The following ACACB variants were observed in gnomAD, a reference collection of about 807,000 sequenced individuals.
ACACB encodes acetyl-CoA carboxylase 2.
ACACB carries 209 observed loss-of-function variants against 278.8 expected under a neutral mutation model. That is an observed-to-expected ratio of 0.75 (90% CI 0.67 to 0.84). The LOEUF is 0.84. Ranked by LOEUF, ACACB falls within the 40% of genes least tolerant of loss-of-function variation. The pLI, the probability that ACACB is intolerant of heterozygous loss-of-function variation, is 0.00. For synonymous variants in ACACB, 1,174 were observed against 1,285.6 expected (o/e 0.91, Z 1.86); for missense variants, 2,850 against 3,269.0 (o/e 0.87, Z 3.13).
rs771596563 is a variant in ACACB at position 109,246,244 on chromosome 12, C to A, written c.5367C>A (p.Ile1789=). The A allele has an allele frequency of 4.3e-6, 7 of 1,613,590 alleles. No individual in the cohort carries two copies. The highest frequency in any genetic ancestry group is 5.9e-6 in the Non-Finnish European group (7 of 1,179,952). ...TQEYPEGRDV[I]VIGNDITFRI... is the part of the protein sequence containing the mutation. The stretch of plus-strand genomic sequence containing the variant: ...AGTACCCGGAAGGACGGGATGTGAT[C>A]GTCATCGGCAATGACATCACCTTTC... The change falls in exon 39 of 53, where the codon ATC becomes ATA. Residue 1789 remains isoleucine, a synonymous_variant. Coordinates refer to ENST00000338432, the MANE Select transcript of ACACB (RefSeq NM_001093.4).
chr12:109,172,116 C>T (rs897691215), intron 5 of ACACB, among the ~76,000 whole-genome samples, 159 bp from the exon 6 acceptor site: 1 of 152,098 alleles, frequency 6.6e-6, no homozygotes, highest in South Asian at 2.1e-4. Flanking sequence ...TAGACAGGAT[C>T]TCGCCATGTT....
At chr12:109,203,023 T>A (rs780023310) in intron 19 of ACACB, among the ~76,000 whole-genome samples, 64 of 152,160 alleles carry the variant, frequency 4.2e-4, no homozygotes, top group Non-Finnish European at 7.6e-4. Flanking sequence ...GAGTCCCTCC[T>A]CCCTCCAGCC....
intron 1 of ACACB, among the ~76,000 whole-genome samples, chr12:109,117,098 C>T (rs1250793842): frequency 7.4e-6 from 1 of 134,450 alleles, no homozygotes; most frequent in Non-Finnish European, 1.5e-5. Flanking sequence ...GGCACGGTGG[C>T]TCATGCCACC....
At chr12:109,131,905 C>G (rs1391153847) in intron 1 of ACACB, among the ~76,000 whole-genome samples, 3 of 152,138 alleles carry the variant, frequency 2.0e-5, no homozygotes, top group Non-Finnish European at 4.4e-5. Flanking sequence ...ACGGCCCCCC[C>G]ACGCCACCGT....
rs781345366 is a variant in ACACB at position 109,235,385 on chromosome 12, A to G, written c.4404+16A>G. 18 of 1,610,260 alleles carry G rather than the reference A, an allele frequency of 1.1e-5. No homozygotes were observed. The African/African-American group carries it at 1.2e-4, about 11-fold the overall frequency. On this transcript the variant is annotated intron_variant, in intron 32 of 52. Transcript: ENST00000338432. ...TGCCCAAGAGGTTAGTTCACAGTTCATCTCTATGAGTCTTTCCCATTCTCC... is the reference window on the plus strand; with the variant it reads ...TGCCCAAGAGGTTAGTTCACAGTTCGTCTCTATGAGTCTTTCCCATTCTCC...
intron 20 of ACACB, 101 bp downstream of exon 20, chr12:109,206,957 G>T: frequency 7.4e-7 from 1 of 1,356,286 alleles, no homozygotes; most frequent in Non-Finnish European, 1.0e-6. Flanking sequence ...ATGAGAAAAT[G>T]GTCGGTCCTC....
At chr12:109,197,180 G>A (rs1460642811) in intron 17 of ACACB, 27 bp downstream of exon 17, 1 of 1,592,578 alleles carries the variant, frequency 6.3e-7, no homozygotes, top group Admixed American at 1.8e-5. Context: ...GTCCCACTGT[G>A]GGCTGGGCAT....
At chr12:109,129,560 GC>G (rs1164222174) in intron 1 of ACACB, among the ~76,000 whole-genome samples, 2 of 152,282 alleles carry the variant, frequency 1.3e-5, no homozygotes, top group East Asian at 3.9e-4. Flanking sequence ...GTCTCCCTGG[GC>G]CCCCAAACAC....
At chr12:109,222,384 G>T in intron 24 of ACACB, 123 bp from the exon 25 acceptor site, 1 of 795,324 alleles carries the variant, frequency 1.3e-6, no homozygotes, top group Non-Finnish European at 2.1e-6. Context: ...GCTGTGCTGG[G>T]CCTGTTTGGA....
chr12:109,265,149 T>G lies in ACACB; in HGVS notation c.6982T>G (p.Trp2328Gly). ...EWKTARTFLY[W>G]RLRRLLLEDQ... ...GAAGACCGCACGCACCTTCCTGTATTGGCGTCTGCGCCGCCTCCTCCTGGA... is the reference window on the plus strand; with the variant it reads ...GAAGACCGCACGCACCTTCCTGTATGGGCGTCTGCGCCGCCTCCTCCTGGA... Residue 2328 changes from tryptophan (W) to glycine (G), a missense_variant, in exon 51 of 53, where the codon TGG (tryptophan) becomes GGG (glycine). Transcript: ENST00000338432. 6 of 1,613,650 alleles carry G rather than the reference T, an allele frequency of 3.7e-6. No homozygotes were observed. The highest frequency in any genetic ancestry group is 5.1e-6 in the Non-Finnish European group (6 of 1,179,842).
intron 47 of ACACB, among the ~76,000 whole-genome samples, chr12:109,259,366 A>C (rs1244468363): frequency 6.6e-6 from 1 of 152,136 alleles, no homozygotes; most frequent in Non-Finnish European, 1.5e-5. Context: ...TGAGGCCAGG[A>C]GTTTGAGACC....
chr12:109,228,984 A>T (rs2046395795), intron 28 of ACACB, among the ~76,000 whole-genome samples: 1 of 152,056 alleles, frequency 6.6e-6, no homozygotes, highest in South Asian at 2.1e-4. Flanking sequence ...TTTGAGATGG[A>T]GTCTCGCTCT....
Position 109,139,534 on chromosome 12 carries a change from G to T in ACACB, c.129G>T (p.Pro43=). The stretch of plus-strand genomic sequence containing the variant: ...GTAAATCAGAAGCAAACCTCATCCC[G>T]AGCCAGGAGCCCTTTCCAGCCTCTG... ...TKSKSEANLI[P]SQEPFPASDN... Residue 43 remains proline (P), a synonymous_variant, in exon 2 of 53, where the codon CCG becomes CCT. Transcript: ENST00000338432. 1 of 1,613,950 alleles carries T rather than the reference G, an allele frequency of 6.2e-7. No individual in the cohort carries two copies. The highest frequency in any genetic ancestry group is 8.5e-7 in the Non-Finnish European group (1 of 1,180,000).
intron 16 of ACACB, among the ~76,000 whole-genome samples, chr12:109,194,786 C>A (rs1167606454): frequency 6.6e-6 from 1 of 152,102 alleles, no homozygotes; most frequent in Non-Finnish European, 1.5e-5. Context: ...CAAATAAGGT[C>A]ACATTCCAAG....
intron 11 of ACACB, among the ~76,000 whole-genome samples, chr12:109,182,736 C>A (rs1340874418): frequency 2.0e-5 from 3 of 152,154 alleles, no homozygotes; most frequent in Non-Finnish European, 4.4e-5. Context: ...TGTTTTCTCC[C>A]ATGCTGTGGA....
intron 47 of ACACB, 127 bp from the exon 48 acceptor site, chr12:109,260,353 C>T: frequency 7.8e-7 from 1 of 1,274,502 alleles, no homozygotes; most frequent in Non-Finnish European, 1.1e-6. Context: ...CTCTCAAATC[C>T]CAGCCCAGTG....
At chr12:109,153,366 C>G (rs937378685) in intron 2 of ACACB, among the ~76,000 whole-genome samples, 2 of 152,168 alleles carry the variant, frequency 1.3e-5, no homozygotes, top group Non-Finnish European at 2.9e-5. Context: ...GCATAGAATG[C>G]ATAATGATTG....
chr12:109,229,104 G>A (rs1419306648), intron 28 of ACACB, among the ~76,000 whole-genome samples: 3 of 151,592 alleles, frequency 2.0e-5, no homozygotes, highest in Non-Finnish European at 2.9e-5. Flanking sequence ...CACCATGCTC[G>A]GCTAATTTTT....
At chr12:109,167,079 C>T in intron 3 of ACACB, 86 bp downstream of exon 3, 2 of 1,574,768 alleles carry the variant, frequency 1.3e-6, no homozygotes, top group Non-Finnish European at 8.7e-7. Flanking sequence ...GATTCGGGTT[C>T]AGGCTCATTC....
Sources: gnomAD v4.1 joint callset for allele counts (sites outside exome capture counted in the v4.1 genomes callset) on GRCh38, gnomAD v4.1.1 for gene constraint, MANE v1.5 for transcripts, NCBI Gene and HGNC (gene_info 2026-07-23, HGNC 2026-07-21) for gene names.